PTPRE: variants seen among roughly 807,000 people sequenced by gnomAD.
The protein encoded by PTPRE is receptor-type tyrosine-protein phosphatase epsilon.
A neutral mutation model predicts 102.0 loss-of-function variants in PTPRE; 51 were observed. The observed-to-expected ratio is 0.50, with a 90% CI of 0.40 to 0.63. The LOEUF is 0.63. PTPRE is among the 30% of genes least tolerant of loss of function. PTPRE has a pLI of 0.00. For missense variants in PTPRE, 752 were observed against 915.1 expected (o/e 0.82, Z 2.30); for synonymous variants, 345 against 348.2 (o/e 0.99, Z 0.10).
chr10:127,944,754 A>T lies in PTPRE; in HGVS notation c.-31+37445A>T, dbSNP rs114897105. On this transcript the variant is annotated intron_variant, in intron 1 of 20. Transcript: ENST00000254667. This position sits in a 1 kb window ranked among gnomAD's most constrained non-coding sequence, Gnocchi z 4.2. Reference sequence around the variant, plus strand: ...GATAGCAGGCTGGTGTAGGTACAAGACTGGAAGCAAGAGACTAGCTAGGGG... The same window carrying T: ...GATAGCAGGCTGGTGTAGGTACAAGTCTGGAAGCAAGAGACTAGCTAGGGG... Among the ~76,000 whole-genome samples the T allele has an allele frequency of 4.5e-4, 69 of 152,314 alleles. No individual in the cohort carries two copies. Among genetic ancestry groups the T allele is most frequent in the African/African-American group, 1.6e-3 (65 of 41,550 alleles).
chr10:128,083,699 A>G lies in PTPRE; in HGVS notation c.*793A>G, dbSNP rs1426161328. On this transcript the variant is annotated 3_prime_UTR_variant, in exon 21 of 21. Coordinates refer to ENST00000254667, the MANE Select transcript of PTPRE (RefSeq NM_006504.6). ...GTCGTTTGGCCCAGACCACCCTCAGAAAAAAACCAGCTGCCTCTCCCATTC... is the reference window on the plus strand; with the variant it reads ...GTCGTTTGGCCCAGACCACCCTCAGGAAAAAACCAGCTGCCTCTCCCATTC... The G allele has an allele frequency of 6.6e-6, 1 of 152,278 alleles. No homozygotes were observed. The highest frequency in any genetic ancestry group is 2.4e-5 in the African/African-American group (1 of 41,420). 9.4% of individuals were successfully genotyped at this position (152,278 alleles called of 1,614,324 possible). A position where few individuals can be genotyped will look rare whatever the true frequency, so the allele number is the denominator to read the frequency against.
chr10:127,950,732 A>C (rs1205597709), intron 1 of PTPRE, among the ~76,000 whole-genome samples: 1 of 152,216 alleles, frequency 6.6e-6, no homozygotes, highest in Non-Finnish European at 1.5e-5. Context: ...GGTACAGCAG[A>C]GCAAAGCAAC....
chr10:128,073,360 C>A lies in PTPRE; in HGVS notation c.1488C>A (p.Phe496Leu). The A allele has an allele frequency of 6.2e-7, 1 of 1,614,202 alleles. No homozygotes were observed. The highest frequency in any genetic ancestry group is 8.5e-7 in the Non-Finnish European group (1 of 1,180,012). Residue 496 changes from phenylalanine (F) to leucine (L), a missense_variant, in exon 17 of 21, where the codon TTC becomes TTA. Coordinates refer to ENST00000254667, the MANE Select transcript of PTPRE (RefSeq NM_006504.6). ...AGGGCTACCGACAGAAGGACTATTT[C>A]ATCGCCACCCAGGGGCCACTGGCAC... ...FIDGYRQKDY[F>L]IATQGPLAHT...
chr10:127,981,663 T>C (rs1589895538), intron 1 of PTPRE, among the ~76,000 whole-genome samples: 1 of 151,568 alleles, frequency 6.6e-6, no homozygotes, highest in African/African-American at 2.4e-5. Flanking sequence ...ACTAAAAATA[T>C]AAAAATTAGC....
intron 1 of PTPRE, among the ~76,000 whole-genome samples, chr10:127,922,520 C>CT (rs1233781049): frequency 1.3e-5 from 2 of 152,236 alleles, no homozygotes; most frequent in Admixed American, 1.3e-4. Context: ...GTGCTCTTCT[C>CT]TTCCAGGTGG....
intron 2 of PTPRE, among the ~76,000 whole-genome samples, chr10:128,035,282 T>C (rs199853574): frequency 5.5e-4 from 84 of 151,396 alleles, no homozygotes; most frequent in African/African-American, 1.6e-3. Context: ...TGTATATATA[T>C]ACACACACAC....
intron 5 of PTPRE, 118 bp from the exon 6 acceptor site, chr10:128,049,412 G>C: frequency 7.6e-7 from 1 of 1,316,756 alleles, no homozygotes. Flanking sequence ...CGATTTGAGA[G>C]AACTGTTCCA....
chr10:128,042,178 C>T (rs764469304), intron 3 of PTPRE, among the ~76,000 whole-genome samples: 25 of 152,190 alleles, frequency 1.6e-4, no homozygotes, highest in Non-Finnish European at 3.4e-4. Flanking sequence ...TTCTTCCCAA[C>T]GCTAATCGAC....
In PTPRE at chr10:127,907,802, C is replaced by T. The variant is rs910647752; in HGVS notation, c.-31+493C>T. ...GCCGGCGCTCTGCCAGGATGCTGCC[C>T]CGCAGCCGGGCGGGCGCCCGCGCCT... On this transcript the variant is annotated intron_variant, in intron 1 of 20. Transcript: ENST00000254667. This position sits in a 1 kb window ranked among gnomAD's most constrained non-coding sequence, Gnocchi z 4.8. Among the ~76,000 whole-genome samples the T allele has an allele frequency of 9.8e-5, 15 of 152,314 alleles. No homozygotes were observed. The highest frequency in any genetic ancestry group is 1.0e-4 in the Non-Finnish European group (7 of 68,014).
At chr10:128,044,154 T>C (rs1406224633) in intron 3 of PTPRE, among the ~76,000 whole-genome samples, 1 of 152,234 alleles carries the variant, frequency 6.6e-6, no homozygotes, top group African/African-American at 2.4e-5. Flanking sequence ...TATGTTTAAC[T>C]CTGGCAAAGA....
At chr10:128,079,781 G>C (rs1221138615) in intron 20 of PTPRE, 86 bp downstream of exon 20, 15 of 1,468,034 alleles carry the variant, frequency 1.0e-5, no homozygotes, top group Middle Eastern at 1.9e-4. Context: ...AGGACCTTAA[G>C]TACATGGGGG....
intron 1 of PTPRE, among the ~76,000 whole-genome samples, chr10:127,978,775 C>T (rs890207438): frequency 1.3e-5 from 2 of 152,182 alleles, no homozygotes; most frequent in South Asian, 4.1e-4. Context: ...AATCCCAGCT[C>T]TTTGGGAGGC....
At chr10:127,995,823 GCACACACA>G (rs143328396) in intron 2 of PTPRE, among the ~76,000 whole-genome samples, 19,572 of 148,250 alleles carry the variant, frequency 0.13, 1,448 homozygotes, top group Admixed American at 0.19. Context: ...CTCTACACGA[GCACACACA>G]CACACACACA....
At chr10:128,080,937 A>C (rs912159657) in intron 20 of PTPRE, among the ~76,000 whole-genome samples, 1 of 152,118 alleles carries the variant, frequency 6.6e-6, no homozygotes, top group Non-Finnish European at 1.5e-5. Context: ...TGTCTTTCTC[A>C]TTTCATCTTC....
rs542934257 is a variant in PTPRE at position 128,063,281 on chromosome 10, TC to T, written c.723+104del. On this transcript the variant is annotated intron_variant, in intron 10 of 20. Coordinates refer to ENST00000254667, the MANE Select transcript of PTPRE (RefSeq NM_006504.6). ...TCCTTTTCCTACTTCCCTCCCTTCC[TC>T]CCACTATCACTGCAGAAAAAAACCC... 312 of 1,520,762 alleles carry T rather than the reference TC, an allele frequency of 2.1e-4. 1 individual carries two copies. In the African/African-American group the frequency reaches 3.9e-3, roughly 19 times the overall value. 94.2% of individuals were successfully genotyped at this position (1,520,762 alleles called of 1,614,324 possible).
chr10:128,062,710 A>G (rs896945999), intron 9 of PTPRE, among the ~76,000 whole-genome samples: 6 of 152,212 alleles, frequency 3.9e-5, no homozygotes, highest in Admixed American at 3.3e-4. Flanking sequence ...AGATTTTGAC[A>G]AAGAGGAGGG....
intron 2 of PTPRE, among the ~76,000 whole-genome samples, chr10:128,033,207 T>C (rs549320239): frequency 1.3e-5 from 2 of 152,350 alleles, no homozygotes; most frequent in African/African-American, 4.8e-5. Context: ...ACTTTTCACT[T>C]AGCTCAAACG....
chr10:128,011,820 C>T (rs576753861), intron 2 of PTPRE, among the ~76,000 whole-genome samples: 2 of 152,368 alleles, frequency 1.3e-5, no homozygotes, highest in Admixed American at 1.3e-4. Flanking sequence ...TGCCAGTTCA[C>T]AGGCGGTGGC....
Position 128,072,148 on chromosome 10 carries a change from C to G in PTPRE, c.1398C>G (p.Asn466Lys). The change falls in exon 16 of 21, where the codon AAC (asparagine) becomes AAG (lysine). Residue 466 changes from asparagine (N) to lysine (K), a missense_variant. This residue lies in a region of PTPRE where 636 missense variants were observed against 824.4 expected (regional missense o/e 0.77). Transcript: ENST00000254667. ...GATAATGCTTTGCAGATGACTTCAA[C>G]CGAGTGATCCTTTCCATGAAAAGGG... The part of the protein sequence containing the change: ...RVIQIIPYDF[N>K]RVILSMKRGQ... 6.2e-7 allele frequency: 1 copy of G among 1,613,834 alleles called. No homozygotes were observed. The highest frequency in any genetic ancestry group is 8.5e-7 in the Non-Finnish European group (1 of 1,179,850).
Sources: gnomAD v4.1 joint callset for allele counts (sites outside exome capture counted in the v4.1 genomes callset) on GRCh38, gnomAD v4.1.1 for gene constraint, gnomAD v4.1.1 regional missense constraint, Gnocchi (gnomAD v3.1) non-coding constraint, MANE v1.5 for transcripts, NCBI Gene and HGNC (gene_info 2026-07-23, HGNC 2026-07-21) for gene names.